SMG6: variants seen among roughly 807,000 people sequenced by gnomAD.
The protein encoded by SMG6 is telomerase-binding protein EST1A.
A neutral mutation model predicts 142.2 loss-of-function variants in SMG6; 66 were observed. That is an observed-to-expected ratio of 0.46 (90% CI 0.38 to 0.57). The LOEUF (loss-of-function observed/expected upper bound fraction) is 0.57, where lower values mean the gene tolerates loss of function less well. Ranked by LOEUF, SMG6 falls within the 20% of genes least tolerant of loss-of-function variation. The pLI is 0.00. For missense variants in SMG6, 1,793 were observed against 1,832.0 expected, an observed-to-expected ratio of 0.98 and a Z score of 0.39; for synonymous variants, 779 against 702.4, an observed-to-expected ratio of 1.11 and a Z score of -1.72.
intron 6 of SMG6, among the ~76,000 whole-genome samples, chr17:2,288,621 TAAAA>T (rs35498445): frequency 7.3e-6 from 1 of 137,724 alleles, no homozygotes; most frequent in Non-Finnish European, 1.6e-5. Flanking sequence ...TTCTCTCAAT[TAAAA>T]AAAAAAAAAA....
At chr17:2,130,684 CT>C (rs894259463) in intron 13 of SMG6, among the ~76,000 whole-genome samples, 2 of 150,814 alleles carry the variant, frequency 1.3e-5, no homozygotes, top group Non-Finnish European at 3.0e-5. Context: ...GTAAGGTTTC[CT>C]TTTTTTTCAT....
chr17:2,063,446 G>C (rs548479277), intron 18 of SMG6, among the ~76,000 whole-genome samples: 3 of 152,260 alleles, frequency 2.0e-5, no homozygotes, highest in African/African-American at 7.2e-5. Flanking sequence ...ATGTCATTCT[G>C]ATAGGGGCGG....
chr17:2,248,926 A>C (rs150436598), intron 8 of SMG6, among the ~76,000 whole-genome samples: 2 of 151,208 alleles, frequency 1.3e-5, no homozygotes, highest in African/African-American at 4.9e-5. Flanking sequence ...TTGCTCTTTC[A>C]CCCAGGCTGG....
chr17:2,249,853 T>C (rs2074009238), intron 8 of SMG6, among the ~76,000 whole-genome samples: 1 of 152,232 alleles, frequency 6.6e-6, no homozygotes, highest in Non-Finnish European at 1.5e-5. Context: ...TGTGGACTCC[T>C]GAGCTCAACC....
intron 10 of SMG6, among the ~76,000 whole-genome samples, chr17:2,197,482 C>G (rs1384958527): frequency 6.6e-6 from 1 of 152,118 alleles, no homozygotes; most frequent in Non-Finnish European, 1.5e-5. Context: ...GGGAGGATCA[C>G]TTGAGCCTGG....
At position 2,085,921 on chromosome 17, in the gene SMG6, G is replaced by A. The variant is rs756969535; in HGVS notation, c.3358-20C>T. 8 of 1,611,272 alleles carry A rather than the reference G, an allele frequency of 5.0e-6. No individual in the cohort carries two copies. The highest frequency in any genetic ancestry group is 5.9e-6 in the Non-Finnish European group (7 of 1,178,436). ...AATAACCTACAGGGTGAGAGGGAGA[G>A]AAGAAAAACAGCATTTTCTGAAAGG... On this transcript the variant is annotated intron_variant, in intron 13 of 18. Coordinates refer to ENST00000263073, the MANE Select transcript of SMG6 (RefSeq NM_017575.5). The surrounding 1 kb of genome is among the most constrained non-coding windows in gnomAD (Gnocchi z 4.1).
At chr17:2,155,651 C>T (rs1453804046) in intron 13 of SMG6, among the ~76,000 whole-genome samples, 3 of 152,198 alleles carry the variant, frequency 2.0e-5, no homozygotes, top group South Asian at 2.1e-4. Context: ...CTGATCTCCA[C>T]GCCTCTGCTT....
At chr17:2,243,402 C>A (rs981822065) in intron 9 of SMG6, among the ~76,000 whole-genome samples, 1 of 152,122 alleles carries the variant, frequency 6.6e-6, no homozygotes, top group Admixed American at 6.5e-5. Context: ...CCTTCTAGGC[C>A]GGGCGTGGTG....
chr17:2,158,855 T>C (rs1029596413), intron 13 of SMG6, among the ~76,000 whole-genome samples: 1 of 132,594 alleles, frequency 7.5e-6, no homozygotes, highest in African/African-American at 2.9e-5. Context: ...AGCAAGACCC[T>C]GTTTCAAAAA....
At chr17:2,174,288 G>A (rs2071595216) in intron 12 of SMG6, among the ~76,000 whole-genome samples, 1 of 152,322 alleles carries the variant, frequency 6.6e-6, no homozygotes, top group African/African-American at 2.4e-5. Flanking sequence ...TACTGCCTAT[G>A]AGTCCTACTA....
chr17:2,202,712 C>T (rs73979426), intron 10 of SMG6, among the ~76,000 whole-genome samples: 2,611 of 152,236 alleles, frequency 0.017, 72 homozygotes, highest in African/African-American at 0.059. Flanking sequence ...AGGTGTTTTG[C>T]GTATTTTATC....
intron 12 of SMG6, among the ~76,000 whole-genome samples, chr17:2,181,616 C>T (rs893970045): frequency 6.6e-6 from 1 of 152,234 alleles, no homozygotes; most frequent in African/African-American, 2.4e-5. Flanking sequence ...GTCAGATTTG[C>T]TCTCCTCGTG....
intron 9 of SMG6, among the ~76,000 whole-genome samples, chr17:2,239,362 G>A (rs2073747104): frequency 1.3e-5 from 2 of 152,168 alleles, no homozygotes; most frequent in South Asian, 4.1e-4. Flanking sequence ...AATAAAGCAG[G>A]AAGAGAAGCA....
chr17:2,133,477 C>T (rs2070191024), intron 13 of SMG6, among the ~76,000 whole-genome samples: 1 of 152,130 alleles, frequency 6.6e-6, no homozygotes, highest in Non-Finnish European at 1.5e-5. Context: ...TGCTAGTTAC[C>T]TCCCAATCCA....
intron 13 of SMG6, among the ~76,000 whole-genome samples, chr17:2,139,425 CT>C (rs375417133): frequency 1.4e-3 from 188 of 139,098 alleles, no homozygotes; most frequent in South Asian, 2.9e-3. Context: ...CTGCTTTTTT[CT>C]TTTTTTTTTT....
Position 2,282,864 on chromosome 17 carries a change from A to G in SMG6, c.2449-5T>C, listed in dbSNP as rs183269704. ...CTTCTTTTCCATCTGTTCTGCCTAT[A>G]TAACATACAAACACATTAGCTCATG... is the stretch of plus-strand genomic sequence containing the variant. On this transcript the variant is annotated splice_polypyrimidine_tract_variant and splice_region_variant and intron_variant, in intron 7 of 18. Coordinates refer to ENST00000263073, the MANE Select transcript of SMG6 (RefSeq NM_017575.5). 6 of 1,613,998 alleles carry G rather than the reference A, an allele frequency of 3.7e-6. No homozygotes were observed. In the African/African-American group the frequency reaches 6.7e-5, roughly 18 times the overall value.
At chr17:2,177,018 C>T (rs2071672387) in intron 12 of SMG6, among the ~76,000 whole-genome samples, 1 of 152,208 alleles carries the variant, frequency 6.6e-6, no homozygotes, top group Non-Finnish European at 1.5e-5. Context: ...TGGGGAAACA[C>T]ATTTCACAGA....
At chr17:2,104,097 G>A (rs556766332) in intron 13 of SMG6, among the ~76,000 whole-genome samples, 29 of 151,936 alleles carry the variant, frequency 1.9e-4, no homozygotes, top group South Asian at 1.2e-3. Flanking sequence ...GACTACAGGC[G>A]CCCACCACCT....
intron 13 of SMG6, among the ~76,000 whole-genome samples, chr17:2,147,614 C>G (rs1243092538): frequency 1.3e-5 from 2 of 152,048 alleles, no homozygotes; most frequent in African/African-American, 4.8e-5. Flanking sequence ...CCTTAATGCT[C>G]AAGCATTCCA....
Sources: gnomAD v4.1 joint callset for allele counts (sites outside exome capture counted in the v4.1 genomes callset) on GRCh38, gnomAD v4.1.1 for gene constraint, Gnocchi (gnomAD v3.1) non-coding constraint, MANE v1.5 for transcripts, NCBI Gene and HGNC (gene_info 2026-07-23, HGNC 2026-07-21) for gene names.